The following FRMD4B variants were observed in gnomAD, a reference collection of about 807,000 sequenced individuals.
FRMD4B encodes the protein FERM domain-containing protein 4B.
A neutral mutation model predicts 141.5 loss-of-function variants in FRMD4B; 74 were observed. The observed-to-expected ratio is 0.52, with a 90% CI of 0.43 to 0.63. The LOEUF (loss-of-function observed/expected upper bound fraction) is 0.63. Among genes scored for constraint, FRMD4B ranks in the 30% least tolerant of loss-of-function variants. FRMD4B has a pLI of 0.00. For missense variants in FRMD4B, 1,366 were observed against 1,253.4 expected, an observed-to-expected ratio of 1.09 and a Z score of -1.36; for synonymous variants, 506 against 467.9, an observed-to-expected ratio of 1.08 and a Z score of -1.05.
At chr3:69,447,729 C>G (rs545985603) in intron 1 of FRMD4B, among the ~76,000 whole-genome samples, 8 of 152,152 alleles carry the variant, frequency 5.3e-5, no homozygotes, top group Non-Finnish European at 1.2e-4. Flanking sequence ...CTTAGGAAAC[C>G]ACTGATCTGC....
chr3:69,323,551 C>A (rs1381172816), intron 1 of FRMD4B, among the ~76,000 whole-genome samples: 1 of 141,024 alleles, frequency 7.1e-6, no homozygotes, highest in African/African-American at 2.6e-5. Flanking sequence ...GGCGACACAG[C>A]GAGACTCTGT....
At chr3:69,203,820 C>A (rs1031234001) in intron 11 of FRMD4B, among the ~76,000 whole-genome samples, 1 of 152,200 alleles carries the variant, frequency 6.6e-6, no homozygotes, top group East Asian at 1.9e-4. Flanking sequence ...CTCAGTTCAC[C>A]TCTCCAATTT....
At chr3:69,238,486 A>G (rs1179400249) in intron 7 of FRMD4B, among the ~76,000 whole-genome samples, 1 of 152,198 alleles carries the variant, frequency 6.6e-6, no homozygotes, top group Non-Finnish European at 1.5e-5. Context: ...TATGTTCAAT[A>G]AATGTGTTCC....
Position 69,170,715 on chromosome 3 carries a change from T to C in FRMD4B, c.*1146A>G, listed in dbSNP as rs1575574166. On this transcript the variant is annotated 3_prime_UTR_variant, in exon 23 of 23. Transcript: ENST00000398540. ...ACAAACAAAACCCTACAATAAACCA[T>C]AGCTAATTAGTTCTTCCAAGGAAAG... is the stretch of plus-strand genomic sequence containing the variant. 6.6e-6 allele frequency: 1 copy of C among 152,292 alleles called. No individual in the cohort carries two copies. Among genetic ancestry groups the C allele is most frequent in the East Asian group, 1.9e-4 (1 of 5,178 alleles). The allele number at this position is 152,292 out of a possible 1,614,324, so 9.4% of individuals were successfully genotyped here.
intron 7 of FRMD4B, among the ~76,000 whole-genome samples, chr3:69,237,852 TC>T (rs940406053): frequency 1.1e-4 from 17 of 152,316 alleles, no homozygotes; most frequent in African/African-American, 4.1e-4. Flanking sequence ...TGCCTCAGCC[TC>T]CTAAGTAGCT....
chr3:69,481,020 C>G (rs367965604), intron 1 of FRMD4B, among the ~76,000 whole-genome samples: 1 of 152,154 alleles, frequency 6.6e-6, no homozygotes, highest in African/African-American at 2.4e-5. Flanking sequence ...GAGCCATGTG[C>G]GGGATATAAT....
At chr3:69,238,696 T>A (rs1460051343) in intron 7 of FRMD4B, among the ~76,000 whole-genome samples, 1 of 152,066 alleles carries the variant, frequency 6.6e-6, no homozygotes, top group Non-Finnish European at 1.5e-5. Flanking sequence ...GATGGGAAGG[T>A]CACTTATGCC....
chr3:69,452,999 T>C (rs1353542145), intron 1 of FRMD4B, among the ~76,000 whole-genome samples: 1 of 152,278 alleles, frequency 6.6e-6, no homozygotes, highest in Non-Finnish European at 1.5e-5. Context: ...AAATCCAGTG[T>C]GTGCTTTATA....
At chr3:69,431,296 AT>A (rs1480543655) in intron 2 of FRMD4B, among the ~76,000 whole-genome samples, 1 of 151,840 alleles carries the variant, frequency 6.6e-6, no homozygotes, top group Non-Finnish European at 1.5e-5. Flanking sequence ...GAGACAATCA[AT>A]AAGAGTTTGT....
chr3:69,245,664 CT>C (rs71115668), intron 7 of FRMD4B, among the ~76,000 whole-genome samples: 80,959 of 102,302 alleles, frequency 0.79, 31,925 homozygotes, highest in Middle Eastern at 0.88. Context: ...ATTTTCTTTT[CT>C]TTTTTTTTTT....
intron 1 of FRMD4B, among the ~76,000 whole-genome samples, chr3:69,455,000 C>G (rs72931896): frequency 0.012 from 1,842 of 152,316 alleles, 43 homozygotes; most frequent in African/African-American, 0.042. Context: ...ACTCAGCACT[C>G]TAAATCTAGC....
intron 1 of FRMD4B, among the ~76,000 whole-genome samples, chr3:69,526,325 T>C (rs1245376536): frequency 6.6e-6 from 1 of 152,172 alleles, no homozygotes; most frequent in South Asian, 2.1e-4. Context: ...ACAGTGGTAG[T>C]TGAATTGATA....
At chr3:69,323,531 C>G (rs1259546325) in intron 1 of FRMD4B, among the ~76,000 whole-genome samples, 2 of 150,106 alleles carry the variant, frequency 1.3e-5, no homozygotes, top group African/African-American at 4.9e-5. Flanking sequence ...CACCACTGCA[C>G]TCCAGCCTGG....
intron 1 of FRMD4B, among the ~76,000 whole-genome samples, chr3:69,455,395 G>A (rs1474147409): frequency 2.6e-5 from 4 of 152,338 alleles, no homozygotes; most frequent in Middle Eastern, 3.4e-3. Context: ...CACGGCAAAG[G>A]TCTGCAGCTT....
intron 21 of FRMD4B, among the ~76,000 whole-genome samples, chr3:69,180,594 C>CAAAAACA (rs1015649797): frequency 2.3e-4 from 34 of 150,856 alleles, no homozygotes; most frequent in Admixed American, 9.3e-4. Context: ...GACTCCTTCT[C>CAAAAACA]AAAAACAAAA....
intron 5 of FRMD4B, among the ~76,000 whole-genome samples, chr3:69,271,073 T>A (rs1050430916): frequency 6.6e-6 from 1 of 152,162 alleles, no homozygotes; most frequent in Non-Finnish European, 1.5e-5. Flanking sequence ...TTTTTTTGAG[T>A]CACAATTTAG....
intron 1 of FRMD4B, among the ~76,000 whole-genome samples, chr3:69,460,242 A>G (rs558213402): frequency 1.5e-4 from 23 of 152,336 alleles, no homozygotes; most frequent in African/African-American, 5.5e-4. Context: ...ATGACAAGCC[A>G]ATTCACTGCA....
chr3:69,366,701 G>A (rs1559832264), intron 1 of FRMD4B, among the ~76,000 whole-genome samples: 1 of 146,678 alleles, frequency 6.8e-6, no homozygotes, highest in African/African-American at 2.6e-5. Context: ...TCTTAAAAGA[G>A]CACAAACACG....
chr3:69,379,948 C>T (rs1704072037), intron 1 of FRMD4B, among the ~76,000 whole-genome samples: 1 of 152,216 alleles, frequency 6.6e-6, no homozygotes, highest in African/African-American at 2.4e-5. Context: ...CTTTCTAGTC[C>T]AACTAATTTA....
Sources: gnomAD v4.1 joint callset for allele counts (sites outside exome capture counted in the v4.1 genomes callset) on GRCh38, gnomAD v4.1.1 for gene constraint, MANE v1.5 for transcripts, NCBI Gene and HGNC (gene_info 2026-07-23, HGNC 2026-07-21) for gene names.